MRPL35: variants seen among roughly 807,000 people sequenced by gnomAD.
MRPL35 encodes mitochondrial ribosomal protein L35, also known as large ribosomal subunit protein bL35m.
A neutral mutation model predicts 21.6 loss-of-function variants in MRPL35; 18 were observed. That is an observed-to-expected ratio of 0.83 (90% CI 0.58 to 1.24). The LOEUF (loss-of-function observed/expected upper bound fraction) is 1.24, where lower values mean the gene tolerates loss of function less well. Ranked by LOEUF, MRPL35 falls within the 50% of genes most tolerant of loss-of-function variation. The pLI is 0.00. For synonymous variants in MRPL35, 87 were observed against 86.9 expected, an observed-to-expected ratio of 1.00 and a Z score of -0.01; for missense variants, 223 against 223.2, an observed-to-expected ratio of 1.00 and a Z score of 0.01.
intron 1 of MRPL35, among the ~76,000 whole-genome samples, chr2:86,204,129 C>T (rs184585597): frequency 4.1e-4 from 62 of 152,010 alleles, no homozygotes; most frequent in Admixed American, 6.6e-4. Flanking sequence ...GGATTATAGG[C>T]GCACACCACC....
intron 3 of MRPL35, among the ~76,000 whole-genome samples, chr2:86,208,095 C>A (rs559574561): frequency 1.3e-5 from 2 of 152,204 alleles, no homozygotes; most frequent in Admixed American, 1.3e-4. Flanking sequence ...AGGATTCTCC[C>A]GTTTTATAAA....
intron 1 of MRPL35, among the ~76,000 whole-genome samples, chr2:86,201,149 A>AT (rs1208338688): frequency 6.6e-6 from 1 of 152,178 alleles, no homozygotes; most frequent in African/African-American, 2.4e-5. Flanking sequence ...ATTGCCTGAT[A>AT]TTGCCAAACT....
chr2:86,206,090 GC>G lies in MRPL35; in HGVS notation c.44-15del. On this transcript the variant is annotated splice_polypyrimidine_tract_variant and intron_variant, in intron 1 of 3. Coordinates refer to ENST00000337109, the MANE Select transcript of MRPL35 (RefSeq NM_016622.4). ...ATATTTTGGAGTATTAAATATATAT[GC>G]TCCTATCTTTACAGGAATCCTACGG... The G allele has an allele frequency of 6.3e-7, 1 of 1,580,974 alleles. No individual in the cohort carries two copies. The highest frequency in any genetic ancestry group is 8.7e-7 in the Non-Finnish European group (1 of 1,154,384).
chr2:86,211,461 T>C lies in MRPL35; in HGVS notation c.*793T>C, dbSNP rs560601265. 3.3e-5 allele frequency: 33 copies of C among 985,474 alleles called. No homozygotes were observed. The South Asian group carries it at 6.1e-4, about 18-fold the overall frequency. The allele number at this position is 985,474 out of a possible 1,614,324, so 61.0% of individuals were successfully genotyped here. On this transcript the variant is annotated 3_prime_UTR_variant, in exon 4 of 4. Coordinates refer to ENST00000337109, the MANE Select transcript of MRPL35 (RefSeq NM_016622.4). ...TTTGCATGCAGCAAAAAAACAGTTATGTGAGCAGTTTCACTTGGAGGTTCA... is the reference window on the plus strand; with the variant it reads ...TTTGCATGCAGCAAAAAAACAGTTACGTGAGCAGTTTCACTTGGAGGTTCA...
chr2:86,213,683 A>G lies in MRPL35; in HGVS notation c.*3015A>G. On this transcript the variant is annotated 3_prime_UTR_variant, in exon 4 of 4. Coordinates refer to ENST00000337109, the MANE Select transcript of MRPL35 (RefSeq NM_016622.4). The stretch of plus-strand genomic sequence containing the variant: ...TCAGAGAAGAAAAATGATGGACCAA[A>G]CGTCTGTTTGCACAATTGAAACTCT... 3 of 1,549,758 alleles carry G rather than the reference A, an allele frequency of 1.9e-6. No individual in the cohort carries two copies. The highest frequency in any genetic ancestry group is 2.6e-6 in the Non-Finnish European group (3 of 1,146,292).
chr2:86,207,000 G>A (rs1188906689), intron 2 of MRPL35, among the ~76,000 whole-genome samples, 183 bp from the exon 3 acceptor site: 4 of 152,116 alleles, frequency 2.6e-5, no homozygotes, highest in African/African-American at 9.7e-5. Flanking sequence ...AGAAGATTGC[G>A]AGTTGGTGAT....
chr2:86,206,231 A>G lies in MRPL35; in HGVS notation c.169A>G (p.Thr57Ala), dbSNP rs746367121. The G allele has an allele frequency of 2.2e-5, 36 of 1,613,126 alleles. No individual in the cohort carries two copies. The highest frequency in any genetic ancestry group is 5.0e-5 in the Admixed American group (3 of 59,948). Residue 57 changes from threonine to alanine, a missense_variant, in exon 2 of 4, where the codon ACT (threonine) becomes GCT (alanine). Physicochemically the swap from Thr to Ala is moderately conservative, Grantham distance 58. Coordinates refer to ENST00000337109, the MANE Select transcript of MRPL35 (RefSeq NM_016622.4). The stretch of plus-strand genomic sequence containing the variant: ...TATTCAGACACCAGTTGTTTCCTCC[A>G]CTCCCAGACTTACCACATCTGAGAG... ...SHIQTPVVSSTPRLTTSERNL... is the reference protein window; with the variant it reads ...SHIQTPVVSSAPRLTTSERNL...
Position 86,213,528 on chromosome 2 carries a change from G to A in MRPL35, c.*2860G>A. 1 of 1,420,842 alleles carries A rather than the reference G, an allele frequency of 7.0e-7. No individual in the cohort carries two copies. The highest frequency in any genetic ancestry group is 9.3e-7 in the Non-Finnish European group (1 of 1,074,010). The allele number at this position is 1,420,842 out of a possible 1,614,324, so 88.0% of individuals were successfully genotyped here. On this transcript the variant is annotated 3_prime_UTR_variant, in exon 4 of 4. Transcript: ENST00000337109. ...AATTTTGAGCTTCCAAGTCTTTGTG[G>A]CCACCCAATGAAGTTTGAGTCTGCC...
chr2:86,203,217 C>T (rs559167586), intron 1 of MRPL35, among the ~76,000 whole-genome samples: 1 of 151,638 alleles, frequency 6.6e-6, no homozygotes, highest in Non-Finnish European at 1.5e-5. Context: ...GTAGCTGGGA[C>T]TACAGGCACC....
At position 86,212,293 on chromosome 2, in the gene MRPL35, C is replaced by A; in HGVS notation, c.*1625C>A. 1 of 1,504,190 alleles carries A rather than the reference C, an allele frequency of 6.6e-7. No individual in the cohort carries two copies. The highest frequency in any genetic ancestry group is 1.4e-5 in the South Asian group (1 of 73,958). The allele number at this position is 1,504,190 out of a possible 1,614,324, so 93.2% of individuals were successfully genotyped here. ...GGATAACAATAGAATGTTCTAAAAC[C>A]AGAAGTCCAAGTGCGTGTCTACTTA... On this transcript the variant is annotated 3_prime_UTR_variant, in exon 4 of 4. Coordinates refer to ENST00000337109, the MANE Select transcript of MRPL35 (RefSeq NM_016622.4).
In MRPL35 at chr2:86,199,517, A is replaced by G. The variant is rs772478837; in HGVS notation, c.27A>G (p.Ala9=). The G allele has an allele frequency of 4.5e-5, 73 of 1,614,074 alleles. No individual in the cohort carries two copies. The highest frequency in any genetic ancestry group is 5.6e-5 in the Non-Finnish European group (66 of 1,180,060). ...TGGCTGCCTCTGCCTTTGCTGGTGC[A>G]GTGAGAGCAGCTTCAGGTCAGTGGA... MAASAFAG[A]VRAASGILRP... The change falls in exon 1 of 4, where the codon GCA becomes GCG. Residue 9 remains alanine, a synonymous_variant. Transcript: ENST00000337109.
At chr2:86,208,819 C>A (rs1287526352) in intron 3 of MRPL35, among the ~76,000 whole-genome samples, 2 of 152,058 alleles carry the variant, frequency 1.3e-5, no homozygotes, top group Admixed American at 6.6e-5. Flanking sequence ...GAATGCCCTG[C>A]CTCTTCAAAA....
At position 86,212,694 on chromosome 2, in the gene MRPL35, A is replaced by G; in HGVS notation, c.*2026A>G. ...GCAACCAGAGCCTCAGCATCCAAAG[A>G]TGGACTGAAGTGGGATGGCTGACAG... On this transcript the variant is annotated 3_prime_UTR_variant, in exon 4 of 4. Transcript: ENST00000337109. 1.6e-6 allele frequency: 2 copies of G among 1,224,300 alleles called. No homozygotes were observed. Among genetic ancestry groups the G allele is most frequent in the South Asian group, 3.6e-5 (1 of 27,824 alleles). 75.8% of individuals were successfully genotyped at this position (1,224,300 alleles called of 1,614,324 possible).
chr2:86,206,830 TAA>T (rs1673806123), intron 2 of MRPL35, among the ~76,000 whole-genome samples: 1 of 152,218 alleles, frequency 6.6e-6, no homozygotes, highest in South Asian at 2.1e-4. Context: ...AATACTCAGT[TAA>T]ATACCCCTGG....
rs755132462 is a variant in MRPL35 at position 86,199,558 on chromosome 2, T to G, written c.43+25T>G. 3.7e-6 allele frequency: 6 copies of G among 1,613,786 alleles called. No individual in the cohort carries two copies. The African/African-American group carries it at 5.3e-5, about 14-fold the overall frequency. On this transcript the variant is annotated intron_variant, in intron 1 of 3. Coordinates refer to ENST00000337109, the MANE Select transcript of MRPL35 (RefSeq NM_016622.4). ...GGTCAGTGGAGAGCGACATACTCCA[T>G]GCATGCCTTCACAGAAGGGGAAACT...
chr2:86,199,653 G>T, intron 1 of MRPL35, 120 bp downstream of exon 1: 3 of 1,288,566 alleles, frequency 2.3e-6, no homozygotes, highest in Non-Finnish European at 3.3e-6. Flanking sequence ...AAGTTAAGAA[G>T]GTTGCGCCCA....
At chr2:86,202,003 G>A (rs946850125) in intron 1 of MRPL35, among the ~76,000 whole-genome samples, 1 of 152,228 alleles carries the variant, frequency 6.6e-6, no homozygotes, top group African/African-American at 2.4e-5. Flanking sequence ...ATACAACAGT[G>A]TGTTTAGAGT....
Position 86,213,668 on chromosome 2 carries a change from A to G in MRPL35, c.*3000A>G. ...CAGATGAAGAAATGTTCAGAGAAGA[A>G]AAATGATGGACCAAACGTCTGTTTG... On this transcript the variant is annotated 3_prime_UTR_variant, in exon 4 of 4. Coordinates refer to ENST00000337109, the MANE Select transcript of MRPL35 (RefSeq NM_016622.4). The G allele has an allele frequency of 6.4e-7, 1 of 1,550,458 alleles. No individual in the cohort carries two copies. Among genetic ancestry groups the G allele is most frequent in the African/African-American group, 1.4e-5 (1 of 73,176 alleles).
At position 86,201,882 on chromosome 2, in the gene MRPL35, T is replaced by C. The variant is rs114834858; in HGVS notation, c.43+2349T>C. Among the ~76,000 whole-genome samples the C allele has an allele frequency of 3.5e-4, 54 of 152,320 alleles. No individual in the cohort carries two copies. In the Middle Eastern group the frequency reaches 0.01, roughly 29 times the overall value. On this transcript the variant is annotated intron_variant, in intron 1 of 3. Coordinates refer to ENST00000337109, the MANE Select transcript of MRPL35 (RefSeq NM_016622.4). ...TTCATGCCACATAGGGCCATTGTAA[T>C]TCCCCAAATGTACATCGTCACCTTT...
Sources: gnomAD v4.1 joint callset for allele counts (sites outside exome capture counted in the v4.1 genomes callset) on GRCh38, gnomAD v4.1.1 for gene constraint, MANE v1.5 for transcripts, NCBI Gene and HGNC (gene_info 2026-07-23, HGNC 2026-07-21) for gene names.